The following GRM5 variants were observed in gnomAD, a reference collection of about 807,000 sequenced individuals.
The protein encoded by GRM5 is glutamate metabotropic receptor 5.
GRM5 carries 19 observed loss-of-function variants against 83.1 expected under a neutral mutation model. The observed-to-expected ratio is 0.23, with a 90% CI of 0.16 to 0.34. GRM5 has a LOEUF of 0.34. Ranked by LOEUF, GRM5 falls within the 10% of genes least tolerant of loss-of-function variation. The pLI is 1.00. For missense variants in GRM5, 1,160 were observed against 1,588.3 expected, an observed-to-expected ratio of 0.73 and a Z score of 4.58; for synonymous variants, 675 against 633.6, an observed-to-expected ratio of 1.07 and a Z score of -0.98.
At chr11:88,755,969 C>G (rs749928881) in intron 3 of GRM5, among the ~76,000 whole-genome samples, 3 of 152,086 alleles carry the variant, frequency 2.0e-5, no homozygotes, top group Non-Finnish European at 4.4e-5. Flanking sequence ...AAATATGACT[C>G]TACAAAAACA....
intron 4 of GRM5, among the ~76,000 whole-genome samples, chr11:88,610,285 A>G (rs780294923): frequency 2.6e-5 from 4 of 152,182 alleles, no homozygotes; most frequent in African/African-American, 4.8e-5. Context: ...AGAAATAGCA[A>G]TGTATCTGTA....
intron 1 of GRM5, among the ~76,000 whole-genome samples, chr11:89,051,424 T>C (rs1284814573): frequency 6.6e-6 from 1 of 151,970 alleles, no homozygotes; most frequent in African/African-American, 2.4e-5. Context: ...AAAAATTTAA[T>C]GTTGGCCAGG....
intron 2 of GRM5, among the ~76,000 whole-genome samples, chr11:89,015,460 G>A (rs2135098556): frequency 6.6e-6 from 1 of 152,206 alleles, no homozygotes; most frequent in South Asian, 2.1e-4. Context: ...GGTGTCTGTT[G>A]GCAGTGTTTT....
intron 2 of GRM5, among the ~76,000 whole-genome samples, chr11:88,948,396 G>A (rs1197836547): frequency 1.3e-5 from 2 of 152,138 alleles, no homozygotes; most frequent in Non-Finnish European, 2.9e-5. Context: ...CTCAAGGATG[G>A]CATGCTGCTT....
chr11:88,745,710 A>G (rs1418443110), intron 3 of GRM5, among the ~76,000 whole-genome samples: 2 of 152,234 alleles, frequency 1.3e-5, no homozygotes, highest in Non-Finnish European at 2.9e-5. Flanking sequence ...ACCCAGTGTG[A>G]GACCTCACAG....
intron 6 of GRM5, among the ~76,000 whole-genome samples, chr11:88,592,631 T>C (rs1021522965): frequency 3.9e-5 from 6 of 152,198 alleles, no homozygotes; most frequent in Admixed American, 2.0e-4. Context: ...CAAGAAGAAT[T>C]CCAACATTAC....
chr11:88,679,256 G>A (rs937278052), intron 3 of GRM5, among the ~76,000 whole-genome samples: 3 of 151,956 alleles, frequency 2.0e-5, no homozygotes, highest in Non-Finnish European at 2.9e-5. Flanking sequence ...GAAATACTGA[G>A]GAATGGAGCT....
At chr11:88,714,620 A>G (rs1941360274) in intron 3 of GRM5, among the ~76,000 whole-genome samples, 1 of 151,900 alleles carries the variant, frequency 6.6e-6, no homozygotes, top group East Asian at 1.9e-4. Context: ...CTAGATGGTA[A>G]TGAATTTGCC....
intron 3 of GRM5, among the ~76,000 whole-genome samples, chr11:88,770,996 G>A (rs774071490): frequency 2.0e-5 from 3 of 152,046 alleles, no homozygotes; most frequent in Admixed American, 6.6e-5. Context: ...AATCAGACAT[G>A]TATCCCTTAC....
intron 2 of GRM5, among the ~76,000 whole-genome samples, chr11:88,889,060 A>T (rs117967368): frequency 2.8e-4 from 42 of 152,332 alleles, no homozygotes; most frequent in Non-Finnish European, 5.7e-4. Context: ...CAGTTTGTCA[A>T]TAAGGGAGCT....
chr11:88,876,919 A>G (rs1377088270), intron 2 of GRM5, among the ~76,000 whole-genome samples: 4 of 152,130 alleles, frequency 2.6e-5, no homozygotes, highest in African/African-American at 9.7e-5. Context: ...TTGTGACAGC[A>G]TGGATGAAAC....
At chr11:88,811,017 T>C (rs1943580077) in intron 3 of GRM5, among the ~76,000 whole-genome samples, 1 of 152,116 alleles carries the variant, frequency 6.6e-6, no homozygotes, top group Non-Finnish European at 1.5e-5. Context: ...TTCTATTAGA[T>C]AAGTTTTGGG....
At chr11:88,556,114 G>A (rs1029140491) in intron 8 of GRM5, among the ~76,000 whole-genome samples, 3 of 152,066 alleles carry the variant, frequency 2.0e-5, no homozygotes, top group Admixed American at 2.0e-4. Flanking sequence ...TGGATCCCCA[G>A]GATAGAGCAA....
chr11:88,721,942 AAAAC>A (rs1941549875), intron 3 of GRM5, among the ~76,000 whole-genome samples: 1 of 152,176 alleles, frequency 6.6e-6, no homozygotes, highest in African/African-American at 2.4e-5. Context: ...TCTTTCCAGA[AAAAC>A]AGACTGGGGA....
At chr11:88,936,808 T>C (rs1194154858) in intron 2 of GRM5, among the ~76,000 whole-genome samples, 1 of 151,788 alleles carries the variant, frequency 6.6e-6, no homozygotes, top group Non-Finnish European at 1.5e-5. Context: ...ACCCTTTCAG[T>C]TAGTTTTGTT....
At chr11:88,561,438 G>T (rs1025511831) in intron 8 of GRM5, among the ~76,000 whole-genome samples, 2 of 152,108 alleles carry the variant, frequency 1.3e-5, no homozygotes, top group African/African-American at 2.4e-5. Context: ...TCCAGCTGTA[G>T]GTCTCTGTCA....
intron 2 of GRM5, among the ~76,000 whole-genome samples, chr11:88,853,564 A>G (rs1327061950): frequency 6.8e-6 from 1 of 145,996 alleles, no homozygotes; most frequent in African/African-American, 2.5e-5. Flanking sequence ...ATAGTCATTT[A>G]AAAGTAGTTA....
intron 3 of GRM5, among the ~76,000 whole-genome samples, chr11:88,832,527 A>G (rs1318283708): frequency 6.6e-6 from 1 of 152,174 alleles, no homozygotes; most frequent in East Asian, 1.9e-4. Context: ...CATTGTTACA[A>G]TGACCATACT....
At chr11:88,614,763 T>C (rs963538318) in intron 4 of GRM5, among the ~76,000 whole-genome samples, 1 of 152,110 alleles carries the variant, frequency 6.6e-6, no homozygotes, top group African/African-American at 2.4e-5. Flanking sequence ...CCACACTGTA[T>C]ATATAAAGAA....
Sources: gnomAD v4.1 joint callset for allele counts (sites outside exome capture counted in the v4.1 genomes callset) on GRCh38, gnomAD v4.1.1 for gene constraint, MANE v1.5 for transcripts, NCBI Gene and HGNC (gene_info 2026-07-23, HGNC 2026-07-21) for gene names.